The following SNTB1 variants were observed in gnomAD, a reference collection of about 807,000 sequenced individuals.
SNTB1 encodes the protein beta-1-syntrophin.
A neutral mutation model predicts 48.9 loss-of-function variants in SNTB1; 36 were observed. That is an observed-to-expected ratio of 0.74 (90% confidence interval 0.56 to 0.97). SNTB1 has a LOEUF of 0.97. Ranked by LOEUF, SNTB1 falls within the 50% of genes least tolerant of loss-of-function variation. SNTB1 has a pLI of 0.00. For synonymous variants in SNTB1, 299 were observed against 294.6 expected, an observed-to-expected ratio of 1.01 and a Z score of -0.15; for missense variants, 786 against 703.4, an observed-to-expected ratio of 1.12 and a Z score of -1.33.
chr8:120,682,357 A>G (rs1169943271), intron 2 of SNTB1, among the ~76,000 whole-genome samples: 1 of 152,142 alleles, frequency 6.6e-6, no homozygotes, highest in Admixed American at 6.5e-5. Context: ...TATGAGATCT[A>G]TTTTGTTAGG....
intron 4 of SNTB1, among the ~76,000 whole-genome samples, chr8:120,552,705 T>C (rs1157275848): frequency 6.6e-6 from 1 of 152,136 alleles, no homozygotes; most frequent in Non-Finnish European, 1.5e-5. Context: ...TTCCCCACCT[T>C]TTGGGATGAG....
At chr8:120,692,726 T>C (rs1818149463) in intron 2 of SNTB1, among the ~76,000 whole-genome samples, 2 of 152,120 alleles carry the variant, frequency 1.3e-5, no homozygotes, top group Non-Finnish European at 2.9e-5. Flanking sequence ...AAGTAGAAAA[T>C]AGCCTTAAAG....
At chr8:120,779,376 G>A (rs1377503998) in intron 1 of SNTB1, among the ~76,000 whole-genome samples, 3 of 152,144 alleles carry the variant, frequency 2.0e-5, no homozygotes, top group African/African-American at 7.2e-5. Context: ...GGTGTTGTGT[G>A]CCTGTAGTCC....
At chr8:120,773,738 T>G (rs1025575252) in intron 1 of SNTB1, among the ~76,000 whole-genome samples, 2 of 152,206 alleles carry the variant, frequency 1.3e-5, no homozygotes, top group East Asian at 3.8e-4. Context: ...TCATTTAATA[T>G]TCCCAAGCAC....
chr8:120,551,415 A>G (rs1353649429), intron 4 of SNTB1, among the ~76,000 whole-genome samples: 1 of 152,134 alleles, frequency 6.6e-6, no homozygotes, highest in Admixed American at 6.6e-5. Flanking sequence ...TGCATGTTAA[A>G]CTGAAAAAGG....
chr8:120,710,951 T>G (rs1404163220), intron 1 of SNTB1, among the ~76,000 whole-genome samples: 1 of 152,212 alleles, frequency 6.6e-6, no homozygotes, highest in African/African-American at 2.4e-5. Context: ...GGTACTGATA[T>G]GAATCTCAAA....
chr8:120,618,309 C>T (rs1175709409), intron 3 of SNTB1, among the ~76,000 whole-genome samples: 1 of 152,224 alleles, frequency 6.6e-6, no homozygotes, highest in Non-Finnish European at 1.5e-5. Flanking sequence ...CTCCAGCTTA[C>T]TGCCTCACCT....
intron 1 of SNTB1, among the ~76,000 whole-genome samples, chr8:120,779,878 G>C (rs765939622): frequency 2.0e-5 from 3 of 152,208 alleles, no homozygotes; most frequent in South Asian, 4.2e-4. Context: ...CCTGAAGTTC[G>C]GGATAGAGGC....
rs149072681 is a variant in SNTB1, at chr8:120,595,174, T to C, written c.997-19949A>G. The stretch of plus-strand genomic sequence containing the variant: ...AGCTGTTTGAACCAGAGCAACTCCA[T>C]CTTGAATAGGAGCTGGGTAAAATGA... On this transcript the variant is annotated intron_variant, in intron 3 of 6. Transcript: ENST00000517992. Among the ~76,000 whole-genome samples the C allele has an allele frequency of 3.4e-4, 52 of 152,228 alleles. No individual in the cohort carries two copies. The East Asian group carries it at 9.5e-3, about 28-fold the overall frequency.
chr8:120,681,124 A>C (rs111359643), intron 2 of SNTB1, among the ~76,000 whole-genome samples: 50 of 152,210 alleles, frequency 3.3e-4, no homozygotes, highest in African/African-American at 1.1e-3. Context: ...GAAGAAAACA[A>C]ATTTTCTTAA....
rs561910949 is a variant in SNTB1, at chr8:120,754,874, T to G, written c.571+56399A>C. On this transcript the variant is annotated intron_variant, in intron 1 of 6. Transcript: ENST00000517992. The stretch of plus-strand genomic sequence containing the variant: ...GGAACTTGCATCATTTAATACATTA[T>G]GGACTGTAGAGTTGTAAATGAGGAG... 8.5e-5 allele frequency among the ~76,000 whole-genome samples: 13 copies of G among 152,250 alleles called. No individual in the cohort carries two copies. The South Asian group carries it at 2.7e-3, about 32-fold the overall frequency.
At chr8:120,548,639 T>C in intron 5 of SNTB1, 123 bp downstream of exon 5, 1 of 802,860 alleles carries the variant, frequency 1.2e-6, no homozygotes, top group Non-Finnish European at 2.0e-6. Context: ...AGAATTTAAA[T>C]TTGCTTCTGG....
intron 2 of SNTB1, among the ~76,000 whole-genome samples, chr8:120,669,902 C>CA (rs1363843176): frequency 6.6e-6 from 1 of 152,136 alleles, no homozygotes; most frequent in Admixed American, 6.5e-5. Flanking sequence ...CTTTGAGTAG[C>CA]AAGAAGCTAG....
At chr8:120,769,053 G>A (rs987600705) in intron 1 of SNTB1, 3 of 152,224 alleles carry the variant, frequency 2.0e-5, no homozygotes, top group African/African-American at 7.2e-5. Context: ...TGCCTCACCT[G>A]GCAGGTCCAG....
chr8:120,547,737 C>T (rs756601018), intron 5 of SNTB1, among the ~76,000 whole-genome samples: 1 of 152,102 alleles, frequency 6.6e-6, no homozygotes, highest in African/African-American at 2.4e-5. Flanking sequence ...TTTCTACCAC[C>T]GACTTGCCCT....
At chr8:120,672,060 A>G (rs946929088) in intron 2 of SNTB1, among the ~76,000 whole-genome samples, 1 of 152,212 alleles carries the variant, frequency 6.6e-6, no homozygotes, top group African/African-American at 2.4e-5. Context: ...ACAGCATTCA[A>G]TAAATTACAT....
At position 120,811,364 on chromosome 8, in the gene SNTB1, G is replaced by C; in HGVS notation, c.480C>G (p.Ile160Met). 1 of 1,613,756 alleles carries C rather than the reference G, an allele frequency of 6.2e-7. No individual in the cohort carries two copies. The highest frequency in any genetic ancestry group is 1.1e-5 in the South Asian group (1 of 91,088). The change falls in exon 1 of 7, where the codon ATC (isoleucine) becomes ATG (methionine). Residue 160 changes from isoleucine to methionine, a missense_variant. Ile to Met is a conservative substitution (Grantham distance 10). Transcript: ENST00000517992. ...QTQALYVGDA[I>M]LSVNGADLRD... ...GCAGGTCGGCTCCGTTCACGGACAGGATGGCGTCGCCCACGTACAGGGCTT... is the reference window on the plus strand; with the variant it reads ...GCAGGTCGGCTCCGTTCACGGACAGCATGGCGTCGCCCACGTACAGGGCTT...
chr8:120,550,539 C>CT (rs1815463096), intron 4 of SNTB1, among the ~76,000 whole-genome samples: 1 of 63,586 alleles, frequency 1.6e-5, no homozygotes, highest in Non-Finnish European at 3.3e-5. Flanking sequence ...GAGACTCTGT[C>CT]TTTAAAAAAA....
At chr8:120,662,211 C>A (rs1817600173) in intron 2 of SNTB1, among the ~76,000 whole-genome samples, 1 of 152,152 alleles carries the variant, frequency 6.6e-6, no homozygotes, top group African/African-American at 2.4e-5. Flanking sequence ...AAATCTATAT[C>A]TAAACTATCT....
Sources: gnomAD v4.1 joint callset for allele counts (sites outside exome capture counted in the v4.1 genomes callset) on GRCh38, gnomAD v4.1.1 for gene constraint, MANE v1.5 for transcripts, NCBI Gene and HGNC (gene_info 2026-07-23, HGNC 2026-07-21) for gene names.